Variants in STIM1 observed in about 807,000 individuals in gnomAD.
STIM1 encodes the protein stromal interaction molecule 1.
Under a neutral mutation model 74.7 loss-of-function variants are expected in STIM1, and 25 were observed. The ratio of observed to expected loss-of-function variants is 0.33; its 90% CI spans 0.24 to 0.47. The LOEUF (loss-of-function observed/expected upper bound fraction) is 0.47, where lower values mean the gene tolerates loss of function less well. Among genes scored for constraint, STIM1 ranks in the 20% least tolerant of loss-of-function variants. The pLI is 1.00. For synonymous variants in STIM1, 328 were observed against 348.8 expected (o/e 0.94, Z 0.66); for missense variants, 728 against 920.8 (o/e 0.79, Z 2.71).
intron 1 of STIM1, among the ~76,000 whole-genome samples, chr11:3,931,896 A>C (rs773931889): frequency 6.6e-6 from 1 of 152,190 alleles, no homozygotes; most frequent in Non-Finnish European, 1.5e-5. Context: ...AACACGGGCC[A>C]TACAGGGGAT....
At position 3,921,075 on chromosome 11, in the gene STIM1, C is replaced by T. The variant is rs1031456347; in HGVS notation, c.140-46477C>T. ...CTTCCCAAAGTGCTGGGATTACAGA[C>T]GTGAGCCACTGCACCCGACCTACCC... On this transcript the variant is annotated intron_variant, in intron 1 of 12. Transcript: ENST00000526596. Among the ~76,000 whole-genome samples, 7 of 152,150 alleles carry T rather than the reference C, an allele frequency of 4.6e-5. No homozygotes were observed. The East Asian group carries it at 1.3e-3, about 29-fold the overall frequency.
intron 1 of STIM1, among the ~76,000 whole-genome samples, chr11:3,895,226 C>T (rs1019766675): frequency 6.6e-6 from 1 of 152,144 alleles, no homozygotes; most frequent in Non-Finnish European, 1.5e-5. Flanking sequence ...GCCTTAATTA[C>T]TTAGGGACTC....
intron 3 of STIM1, among the ~76,000 whole-genome samples, chr11:4,029,235 A>C (rs2094026260): frequency 6.6e-6 from 1 of 152,082 alleles, no homozygotes; most frequent in Non-Finnish European, 1.5e-5. Context: ...ACATTACAGT[A>C]AGTAAGTTCA....
At chr11:4,069,922 T>C in intron 5 of STIM1, 104 bp from the exon 6 acceptor site, 1 of 1,228,142 alleles carries the variant, frequency 8.1e-7, no homozygotes, top group Non-Finnish European at 1.2e-6. Context: ...AGTGGGAGAG[T>C]GTGTCTGTTA....
intron 7 of STIM1, among the ~76,000 whole-genome samples, chr11:4,079,872 C>G (rs563387156): frequency 2.0e-5 from 3 of 152,108 alleles, no homozygotes; most frequent in Non-Finnish European, 1.5e-5. Flanking sequence ...GGCAAACCCC[C>G]CCAGATAAAT....
Position 3,855,773 on chromosome 11 carries a change from C to G in STIM1, c.-498C>G, listed in dbSNP as rs2090339815. On this transcript the variant is annotated 5_prime_UTR_variant, in exon 1 of 13. Transcript: ENST00000526596. Reference sequence around the variant, plus strand: ...GGCGCTGACCTCGGCCTAGGAGGCCCAGGATCCCGGAGACGCCCGCGCCCT... The same window carrying G: ...GGCGCTGACCTCGGCCTAGGAGGCCGAGGATCCCGGAGACGCCCGCGCCCT... The G allele has an allele frequency of 5.9e-6, 1 of 170,102 alleles. No homozygotes were observed. Among genetic ancestry groups the G allele is most frequent in the African/African-American group, 2.4e-5 (1 of 41,584 alleles). The allele number at this position is 170,102 out of a possible 1,614,324, so 10.5% of individuals were successfully genotyped here.
intron 1 of STIM1, among the ~76,000 whole-genome samples, chr11:3,961,768 A>G (rs1384112006): frequency 1.3e-5 from 2 of 152,078 alleles, no homozygotes; most frequent in Non-Finnish European, 2.9e-5. Context: ...TCGGCCTCCT[A>G]AGATGCTGGG....
rs570673436 is a variant in STIM1 at position 4,009,687 on chromosome 11, G to A, written c.271-14186G>A. ...AATGAATAATCTTCATAAAAATAGTGTGCTTGCTATGCAAATGCAACCTCA... is the reference window on the plus strand; with the variant it reads ...AATGAATAATCTTCATAAAAATAGTATGCTTGCTATGCAAATGCAACCTCA... On this transcript the variant is annotated intron_variant, in intron 2 of 12. Coordinates refer to ENST00000526596, the MANE Select transcript of STIM1 (RefSeq NM_001382567.1). Among the ~76,000 whole-genome samples the A allele has an allele frequency of 2.4e-3, 364 of 152,098 alleles. 1 individual carries two copies. The highest frequency in any genetic ancestry group is 8.0e-3 in the African/African-American group (332 of 41,496).
intron 1 of STIM1, among the ~76,000 whole-genome samples, chr11:3,865,606 A>T (rs2090824725): frequency 6.6e-6 from 1 of 152,128 alleles, no homozygotes; most frequent in South Asian, 2.1e-4. Context: ...TGCACCCTAT[A>T]CCACTCTCTT....
Position 3,895,743 on chromosome 11 carries a change from T to TCTTC in STIM1, c.139+39394_139+39397dup, listed in dbSNP as rs1162065358. ...CTTTCTTTCTTTCTTTCTTTTTCTT[T>TCTTC]CTTCCTTCCTTCCTTCCTTCCTTCC... On this transcript the variant is annotated intron_variant, in intron 1 of 12. Coordinates refer to ENST00000526596, the MANE Select transcript of STIM1 (RefSeq NM_001382567.1). Among the ~76,000 whole-genome samples the TCTTC allele has an allele frequency of 3.7e-3, 129 of 34,474 alleles. 4 individuals carry two copies. Among genetic ancestry groups the TCTTC allele is most frequent in the Middle Eastern group, 9.4e-3 (1 of 106 alleles). 22.6% of individuals were successfully genotyped at this position (34,474 alleles called of 152,430 possible). A position where few individuals can be genotyped will look rare whatever the true frequency, so the allele number is the denominator to read the frequency against.
At chr11:3,978,756 G>A (rs1351919171) in intron 2 of STIM1, among the ~76,000 whole-genome samples, 1 of 151,938 alleles carries the variant, frequency 6.6e-6, no homozygotes, top group Non-Finnish European at 1.5e-5. Flanking sequence ...GAGTAGAAAT[G>A]TCATGAGACC....
At chr11:3,989,551 C>T (rs2093589797) in intron 2 of STIM1, 1 of 549,206 alleles carries the variant, frequency 1.8e-6, no homozygotes, top group Non-Finnish European at 3.4e-6. Context: ...GTCGCTGCCG[C>T]TCCTCCCGCC....
At chr11:4,090,608 C>G (rs1417430553) in intron 12 of STIM1, among the ~76,000 whole-genome samples, 1 of 152,230 alleles carries the variant, frequency 6.6e-6, no homozygotes, top group Non-Finnish European at 1.5e-5. Context: ...TGCATGTGCC[C>G]TGTTCCTTGG....
chr11:4,049,324 A>ATTTT (rs369097214), intron 3 of STIM1, among the ~76,000 whole-genome samples: 3 of 133,896 alleles, frequency 2.2e-5, no homozygotes, highest in Non-Finnish European at 1.6e-5. Context: ...TATCAGCTGG[A>ATTTT]TTTTTTTTTT....
chr11:4,053,977 A>G (rs561052815), intron 3 of STIM1, among the ~76,000 whole-genome samples: 4 of 152,356 alleles, frequency 2.6e-5, no homozygotes, highest in African/African-American at 7.2e-5. Flanking sequence ...TGTATAGTTT[A>G]TGCTGTCCAA....
chr11:3,895,382 C>T (rs879720218), intron 1 of STIM1, among the ~76,000 whole-genome samples: 1 of 152,162 alleles, frequency 6.6e-6, no homozygotes, highest in Non-Finnish European at 1.5e-5. Context: ...CATTTCTATG[C>T]AGTGTGGTTC....
chr11:3,880,253 C>T (rs1010952327), intron 1 of STIM1, among the ~76,000 whole-genome samples: 1 of 152,192 alleles, frequency 6.6e-6, no homozygotes, highest in Non-Finnish European at 1.5e-5. Context: ...GCCAATACTA[C>T]TTTAAGTTTA....
At chr11:4,001,183 C>T (rs2135907245) in intron 2 of STIM1, among the ~76,000 whole-genome samples, 1 of 152,204 alleles carries the variant, frequency 6.6e-6, no homozygotes, top group East Asian at 1.9e-4. Flanking sequence ...TCCAGGAGAA[C>T]TTCCCCAATC....
intron 1 of STIM1, among the ~76,000 whole-genome samples, chr11:3,867,614 T>C (rs1324105845): frequency 6.6e-6 from 1 of 152,226 alleles, no homozygotes; most frequent in African/African-American, 2.4e-5. Context: ...ATGTTATCTC[T>C]GATGCTGAGA....
Sources: gnomAD v4.1 joint callset for allele counts (sites outside exome capture counted in the v4.1 genomes callset) on GRCh38, gnomAD v4.1.1 for gene constraint, MANE v1.5 for transcripts, NCBI Gene and HGNC (gene_info 2026-07-23, HGNC 2026-07-21) for gene names.